CYTH2: variants seen among roughly 807,000 people sequenced by gnomAD.
CYTH2 encodes the protein cytohesin 2.
Under a neutral mutation model 55.4 loss-of-function variants are expected in CYTH2, and 24 were observed. That is an observed-to-expected ratio of 0.43 (90% CI 0.31 to 0.61). The LOEUF (loss-of-function observed/expected upper bound fraction) is 0.61. Ranked by LOEUF, CYTH2 falls within the 20% of genes least tolerant of loss-of-function variation. The pLI is 0.08. For synonymous variants in CYTH2, 221 were observed against 209.6 expected (o/e 1.05, Z -0.47); for missense variants, 378 against 533.5 (o/e 0.71, Z 2.87).
intron 3 of CYTH2, 130 bp downstream of exon 3, chr19:48,470,799 A>T (rs1971777847): frequency 1.1e-6 from 1 of 939,566 alleles, no homozygotes; most frequent in Non-Finnish European, 1.6e-6. Context: ...TAATCCCTGG[A>T]TTCAGATACT....
In CYTH2 at chr19:48,470,246, A is replaced by G. The variant is rs1201217894; in HGVS notation, c.20-107A>G. The G allele has an allele frequency of 1.1e-5, 16 of 1,457,598 alleles. No homozygotes were observed. In the Middle Eastern group the frequency reaches 1.2e-3, roughly 105 times the overall value. The allele number at this position is 1,457,598 out of a possible 1,614,324, so 90.3% of individuals were successfully genotyped here. On this transcript the variant is annotated intron_variant, in intron 1 of 11. Coordinates refer to ENST00000452733, the MANE Select transcript of CYTH2 (RefSeq NM_004228.7). ...CCAGCCCATTCTTCTGTGCAGACAT[A>G]GGAAGCCCCTTACACATCCTCTCCC... is the stretch of plus-strand genomic sequence containing the variant.
chr19:48,473,855 A>G (rs1971852800), intron 5 of CYTH2, 50 bp from the exon 6 acceptor site: 1 of 1,443,136 alleles, frequency 6.9e-7, no homozygotes, highest in South Asian at 1.3e-5. Context: ...GAGAGTGGGG[A>G]CAGGCTCCCA....
In CYTH2 at chr19:48,474,140, C is replaced by G. The variant is rs1020483249; in HGVS notation, c.548-42C>G. The G allele has an allele frequency of 6.4e-7, 1 of 1,556,312 alleles. No homozygotes were observed. The highest frequency in any genetic ancestry group is 8.7e-7 in the Non-Finnish European group (1 of 1,150,186). Reference sequence around the variant, plus strand: ...TCCTGGGGAATGGGGGCACTGGGGACTGACATGCCTGGGTCGTCACCACCT... The same window carrying G: ...TCCTGGGGAATGGGGGCACTGGGGAGTGACATGCCTGGGTCGTCACCACCT... On this transcript the variant is annotated intron_variant, in intron 6 of 11. Transcript: ENST00000452733. The surrounding 1 kb of genome is among the most constrained non-coding windows in gnomAD (Gnocchi z 4.9).
chr19:48,475,322 A>C (rs1352356466), intron 8 of CYTH2: 1 of 202,010 alleles, frequency 5.0e-6, no homozygotes, highest in Non-Finnish European at 9.9e-6. Context: ...AAACCCCTGG[A>C]ATCTATTCCC....
rs1312224242 is a variant in CYTH2, at chr19:48,478,265, G to C, written c.886-10G>C. 1 of 1,613,784 alleles carries C rather than the reference G, an allele frequency of 6.2e-7. No homozygotes were observed. Among genetic ancestry groups the C allele is most frequent in the South Asian group, 1.1e-5 (1 of 91,074 alleles). ...TGGAAGTCTGAGTTCTGTCCACCTT[G>C]CTTCTTCAGGACAAGGAGCCCCGAG... On this transcript the variant is annotated splice_polypyrimidine_tract_variant and intron_variant, in intron 9 of 11. Transcript: ENST00000452733.
rs1971949749 is a variant in CYTH2, at chr19:48,477,856, CAG to C, written c.809-211_809-210del. On this transcript the variant is annotated intron_variant, in intron 8 of 11. Transcript: ENST00000452733. ...GCTCCTGGGCTGGGACTGACAGACTCAGAAAATGTGGAGCCCCAAGCTGGGGG... is the reference window on the plus strand; with the variant it reads ...GCTCCTGGGCTGGGACTGACAGACTCAAAATGTGGAGCCCCAAGCTGGGGG... 18 of 561,978 alleles carry C rather than the reference CAG, an allele frequency of 3.2e-5. No individual in the cohort carries two copies. The South Asian group carries it at 4.3e-4, about 14-fold the overall frequency. The allele number at this position is 561,978 out of a possible 1,614,324, so 34.8% of individuals were successfully genotyped here.
At chr19:48,478,189 G>A (rs775874355) in intron 9 of CYTH2, 44 bp downstream of exon 9, 284 of 1,612,430 alleles carry the variant, frequency 1.8e-4, no homozygotes, top group Non-Finnish European at 2.3e-4. Context: ...GGGCGGAGTG[G>A]CTGGGAGCCT....
In CYTH2 at chr19:48,473,588, A is replaced by G. The variant is rs1971847486; in HGVS notation, c.434+210A>G. ...CCAGGAGCTCAAATGGTGGTCAGAA[A>G]GTCGACTTTCTTTGCCTCTTGTATT... On this transcript the variant is annotated intron_variant, in intron 5 of 11. Coordinates refer to ENST00000452733, the MANE Select transcript of CYTH2 (RefSeq NM_004228.7). 11 of 611,414 alleles carry G rather than the reference A, an allele frequency of 1.8e-5. No individual in the cohort carries two copies. The East Asian group carries it at 3.0e-4, about 17-fold the overall frequency. 37.9% of individuals were successfully genotyped at this position (611,414 alleles called of 1,614,324 possible). A position where few individuals can be genotyped will look rare whatever the true frequency, so the allele number is the denominator to read the frequency against.
Position 48,470,282 on chromosome 19 carries a change from G to A in CYTH2, c.20-71G>A. ...TACACATCCTCTCCCAGCTCTGTCC[G>A]CCCCCAGATTGCAGGAATTCAGGCT... On this transcript the variant is annotated intron_variant, in intron 1 of 11. Transcript: ENST00000452733. 5 of 1,534,248 alleles carry A rather than the reference G, an allele frequency of 3.3e-6. No homozygotes were observed. The South Asian group carries it at 5.0e-5, about 15-fold the overall frequency.
chr19:48,475,235 C>CTTTTTTA, intron 8 of CYTH2: 1 of 406,278 alleles, frequency 2.5e-6, no homozygotes, highest in Non-Finnish European at 4.4e-6. Flanking sequence ...CAGTGAGAGG[C>CTTTTTTA]AGCTGACATT....
chr19:48,474,308 A>G lies in CYTH2; in HGVS notation c.674A>G (p.Asp225Gly). The G allele has an allele frequency of 6.2e-7, 1 of 1,610,312 alleles. No homozygotes were observed. The highest frequency in any genetic ancestry group is 2.2e-5 in the East Asian group (1 of 44,836). ...AACCGGGGCATCAACGAGGGCGGGG[A>G]CCTGCCTGAGGAGCTGCTCAGGGTC... is the stretch of plus-strand genomic sequence containing the variant. ...AMNRGINEGG[D>G]LPEELLRNLY... is the part of the protein sequence containing the mutation. Residue 225 changes from aspartate (D) to glycine (G), a missense_variant, in exon 7 of 12, where the codon GAC becomes GGC. Asp to Gly is a moderately conservative substitution (Grantham distance 94, BLOSUM62 -1). Transcript: ENST00000452733. This position sits in a 1 kb window ranked among gnomAD's most constrained non-coding sequence, Gnocchi z 4.9.
intron 1 of CYTH2, 128 bp from the exon 2 acceptor site, chr19:48,470,225 C>G (rs1971762054): frequency 2.2e-6 from 3 of 1,348,840 alleles, no homozygotes; most frequent in Non-Finnish European, 3.0e-6. Context: ...AGGCCCCCAG[C>G]CCATTCTTCT....
At chr19:48,473,256 C>T in intron 4 of CYTH2, 42 bp from the exon 5 acceptor site, 1 of 1,607,912 alleles carries the variant, frequency 6.2e-7, no homozygotes, top group Non-Finnish European at 8.5e-7. Context: ...ATTCCTGCCC[C>T]ATCCTTTCCA....
chr19:48,470,534 G>T (rs371156202), intron 2 of CYTH2, 34 bp downstream of exon 2: 644 of 1,613,856 alleles, frequency 4.0e-4, no homozygotes, highest in Non-Finnish European at 5.3e-4. Context: ...AGGGGGCGTG[G>T]GGTTGGCTGA....
chr19:48,478,883 C>T (rs1429167178), intron 11 of CYTH2, among the ~76,000 whole-genome samples: 1 of 133,670 alleles, frequency 7.5e-6, no homozygotes, highest in African/African-American at 2.8e-5. Flanking sequence ...GAGGAGGGGC[C>T]GGGGGCCTGG....
chr19:48,473,519 C>A, intron 5 of CYTH2, 141 bp downstream of exon 5: 1 of 821,044 alleles, frequency 1.2e-6, no homozygotes, highest in South Asian at 1.6e-5. Flanking sequence ...GTGTCCTGCA[C>A]CATAAAAGTT....
intron 3 of CYTH2, among the ~76,000 whole-genome samples, chr19:48,471,666 C>A (rs77082955): frequency 0.02 from 3,075 of 152,318 alleles, 107 homozygotes; most frequent in African/African-American, 0.069. Flanking sequence ...GCCAGGGCTT[C>A]GAGTTCACAG....
chr19:48,476,918 T>C (rs1040776023), intron 8 of CYTH2: 3 of 152,224 alleles, frequency 2.0e-5, no homozygotes, highest in Non-Finnish European at 2.9e-5. Context: ...GAGCAGTAAC[T>C]TTCCCATTTC....
intron 5 of CYTH2, 23 bp from the exon 6 acceptor site, chr19:48,473,880 CAT>C (rs1317273907): frequency 1.9e-6 from 3 of 1,561,756 alleles, no homozygotes; most frequent in Non-Finnish European, 2.6e-6. Flanking sequence ...CCCTGGCATC[CAT>C]TCCTGGCCCC....
Sources: gnomAD v4.1 joint callset for allele counts (sites outside exome capture counted in the v4.1 genomes callset) on GRCh38, gnomAD v4.1.1 for gene constraint, Gnocchi (gnomAD v3.1) non-coding constraint, MANE v1.5 for transcripts, NCBI Gene and HGNC (gene_info 2026-07-23, HGNC 2026-07-21) for gene names.